Variants in ZNF776 observed in about 807,000 individuals in gnomAD.
ZNF776 encodes the protein zinc finger protein 776.
Under a neutral mutation model 7.0 loss-of-function variants are expected in ZNF776, and 4 were observed. The ratio of observed to expected loss-of-function variants is 0.57; its 90% CI spans 0.28 to 1.31. ZNF776 has a LOEUF of 1.31. Among genes scored for constraint, ZNF776 ranks in the 50% most tolerant of loss-of-function variants. The pLI, the probability that ZNF776 is intolerant of heterozygous loss-of-function variation, is 0.10. For synonymous variants in ZNF776, 212 were observed against 213.7 expected (o/e 0.99, Z 0.07); for missense variants, 555 against 625.9 (o/e 0.89, Z 1.21).
chr19:57,751,877 T>TTTG (rs1555764034), intron 2 of ZNF776, among the ~76,000 whole-genome samples: 30 of 127,356 alleles, frequency 2.4e-4, no homozygotes, highest in African/African-American at 8.1e-4. Flanking sequence ...TGTTTTTTTT[T>TTTG]TTTTTTTTTT....
rs1050580190 is a variant in ZNF776 at position 57,753,313 on chromosome 19, C to T, written c.183C>T (p.Asp61=). ...SSLGCWYGAK[D]ETPSKQTLSI... Reference sequence around the variant, plus strand: ...TAGGTTGTTGGTATGGAGCAAAAGACGAGACACCTTCTAAGCAGACCCTTT... The same window carrying T: ...TAGGTTGTTGGTATGGAGCAAAAGATGAGACACCTTCTAAGCAGACCCTTT... The change falls in exon 3 of 3, where the codon GAC becomes GAT. Residue 61 remains aspartate, a synonymous_variant. Transcript: ENST00000317178. 7 of 1,609,624 alleles carry T rather than the reference C, an allele frequency of 4.3e-6. No homozygotes were observed. Among genetic ancestry groups the T allele is most frequent in the East Asian group, 2.2e-5 (1 of 44,844 alleles).
rs1600071198 is a variant in ZNF776 at position 57,756,751 on chromosome 19, A to C, written c.*2064A>C. On this transcript the variant is annotated 3_prime_UTR_variant, in exon 3 of 3. Transcript: ENST00000317178. ...CATTCTGCTCAGTACTGGTGAGGGA[A>C]ATCTGTTCTCAAGTCCTACAGTGCA... 1 of 350,136 alleles carries C rather than the reference A, an allele frequency of 2.9e-6. No homozygotes were observed. The highest frequency in any genetic ancestry group is 2.2e-5 in the African/African-American group (1 of 46,352). The allele number at this position is 350,136 out of a possible 1,614,324, so 21.7% of individuals were successfully genotyped here.
intron 1 of ZNF776, among the ~76,000 whole-genome samples, chr19:57,750,432 CA>C (rs60314566): frequency 6.8e-4 from 93 of 137,730 alleles, no homozygotes; most frequent in Non-Finnish European, 7.3e-4. Context: ...AACCCTATCT[CA>C]AAAAAAAAAA....
Position 57,757,829 on chromosome 19 carries a change from A to G in ZNF776, c.*3142A>G, listed in dbSNP as rs1195154609. On this transcript the variant is annotated 3_prime_UTR_variant, in exon 3 of 3. Coordinates refer to ENST00000317178, the MANE Select transcript of ZNF776 (RefSeq NM_173632.4). ...TGCTCCAGACAATCACTGAATTACAATATTTGCTTAACAGTAGATTAATGT... is the reference window on the plus strand; with the variant it reads ...TGCTCCAGACAATCACTGAATTACAGTATTTGCTTAACAGTAGATTAATGT... The G allele has an allele frequency of 6.6e-6, 1 of 152,190 alleles. No individual in the cohort carries two copies. Among genetic ancestry groups the G allele is most frequent in the Non-Finnish European group, 1.5e-5 (1 of 68,038 alleles). The allele number at this position is 152,190 out of a possible 1,614,324, so 9.4% of individuals were successfully genotyped here. A position where few individuals can be genotyped will look rare whatever the true frequency, so the allele number is the denominator to read the frequency against.
Position 57,751,660 on chromosome 19 carries a change from C to T in ZNF776, c.160+749C>T, listed in dbSNP as rs140587322. Among the ~76,000 whole-genome samples, 430 of 151,796 alleles carry T rather than the reference C, an allele frequency of 2.8e-3. 1 individual carries two copies. Among genetic ancestry groups the T allele is most frequent in the Non-Finnish European group, 5.0e-3 (342 of 67,924 alleles). ...GGATTACAAGCATGAGCCAGTGTGC[C>T]CTGAGTATTTTTTGCTTTTTTGTTT... On this transcript the variant is annotated intron_variant, in intron 2 of 2. Transcript: ENST00000317178.
At chr19:57,747,593 T>C (rs1986475057) in intron 1 of ZNF776, among the ~76,000 whole-genome samples, 2 of 152,202 alleles carry the variant, frequency 1.3e-5, no homozygotes, top group African/African-American at 2.4e-5. Flanking sequence ...CATTTTGTAC[T>C]GAGGCGCTCA....
chr19:57,749,536 G>T (rs1002271592), intron 1 of ZNF776, among the ~76,000 whole-genome samples: 1 of 152,296 alleles, frequency 6.6e-6, no homozygotes, highest in South Asian at 2.1e-4. Context: ...CCATATTGTG[G>T]TATAAAGCCA....
Position 57,754,504 on chromosome 19 carries a change from G to A in ZNF776, c.1374G>A (p.Arg458=). The part of the protein sequence containing the change: ...IQHQQIHSGE[R]PHECGECGKC... Reference sequence around the variant, plus strand: ...ATCAGCAGATCCACTCTGGAGAAAGGCCACATGAGTGTGGAGAATGTGGGA... The same window carrying A: ...ATCAGCAGATCCACTCTGGAGAAAGACCACATGAGTGTGGAGAATGTGGGA... The change falls in exon 3 of 3, where the codon AGG becomes AGA. Residue 458 remains arginine, a synonymous_variant. Transcript: ENST00000317178. 6.2e-7 allele frequency: 1 copy of A among 1,614,108 alleles called. No individual in the cohort carries two copies. The highest frequency in any genetic ancestry group is 8.5e-7 in the Non-Finnish European group (1 of 1,180,006).
chr19:57,754,925 C>A lies in ZNF776; in HGVS notation c.*238C>A. 1 of 533,354 alleles carries A rather than the reference C, an allele frequency of 1.9e-6. No individual in the cohort carries two copies. The highest frequency in any genetic ancestry group is 3.3e-6 in the Non-Finnish European group (1 of 300,364). 33.0% of individuals were successfully genotyped at this position (533,354 alleles called of 1,614,324 possible). On this transcript the variant is annotated 3_prime_UTR_variant, in exon 3 of 3. Coordinates refer to ENST00000317178, the MANE Select transcript of ZNF776 (RefSeq NM_173632.4). ...AGAAGGGTCACACTGGAGAAAGACCCTATAGTTATGGGGAATTTGGGAAAT... is the reference window on the plus strand; with the variant it reads ...AGAAGGGTCACACTGGAGAAAGACCATATAGTTATGGGGAATTTGGGAAAT...
intron 1 of ZNF776, among the ~76,000 whole-genome samples, 180 bp downstream of exon 1, chr19:57,747,271 CAG>C (rs1012165259): frequency 6.6e-6 from 1 of 152,150 alleles, no homozygotes; most frequent in African/African-American, 2.4e-5. Context: ...GCTACAGGCA[CAG>C]GGAGCGGTGC....
In ZNF776 at chr19:57,753,477, T is replaced by C; in HGVS notation, c.347T>C (p.Phe116Ser). The change falls in exon 3 of 3, where the codon TTT becomes TCT. Residue 116 changes from phenylalanine (F) to serine (S), a missense_variant. Coordinates refer to ENST00000317178, the MANE Select transcript of ZNF776 (RefSeq NM_173632.4). ...GTQHNQKLNG[F>S]GAYEKKLDDD... ...CAACACAATCAGAAATTGAATGGGT[T>C]TGGGGCATATGAAAAAAAATTGGAT... 6.2e-7 allele frequency: 1 copy of C among 1,614,136 alleles called. No homozygotes were observed. Among genetic ancestry groups the C allele is most frequent in the South Asian group, 1.1e-5 (1 of 91,082 alleles).
chr19:57,747,220 T>C (rs1448434069), intron 1 of ZNF776, 129 bp downstream of exon 1: 3 of 1,010,828 alleles, frequency 3.0e-6, no homozygotes, highest in Admixed American at 5.5e-5. Context: ...GCGCTCTCTA[T>C]GGGCCCCCGT....
chr19:57,747,256 G>A (rs1288230964), intron 1 of ZNF776, among the ~76,000 whole-genome samples, 165 bp downstream of exon 1: 1 of 152,196 alleles, frequency 6.6e-6, no homozygotes, highest in Non-Finnish European at 1.5e-5. Context: ...GATGCGCTCA[G>A]GAGAGCTACA....
At chr19:57,752,601 C>G (rs1986640335) in intron 2 of ZNF776, among the ~76,000 whole-genome samples, 1 of 152,158 alleles carries the variant, frequency 6.6e-6, no homozygotes, top group Non-Finnish European at 1.5e-5. Flanking sequence ...TAGAAGCTCT[C>G]TGATTTCACA....
At position 57,754,452 on chromosome 19, in the gene ZNF776, T is replaced by C. The variant is rs1412211672; in HGVS notation, c.1322T>C (p.Phe441Ser). ...PYECRECGKC[F>S]HQKGSLIQHQ... The stretch of plus-strand genomic sequence containing the variant: ...GAGTGTAGAGAATGTGGGAAATGTT[T>C]TCATCAAAAGGGCAGTCTCATTCAA... The change falls in exon 3 of 3, where the codon TTT (phenylalanine) becomes TCT (serine). Residue 441 changes from phenylalanine (F) to serine (S), a missense_variant. Phe to Ser is a radical substitution (Grantham distance 155). Transcript: ENST00000317178. 6.2e-7 allele frequency: 1 copy of C among 1,613,894 alleles called. No individual in the cohort carries two copies. The highest frequency in any genetic ancestry group is 1.1e-5 in the South Asian group (1 of 91,062).
rs1166356871 is a variant in ZNF776 at position 57,746,954 on chromosome 19, A to G, written c.-105A>G. The stretch of plus-strand genomic sequence containing the variant: ...CAGAGGCTGCTCTGCAGCTCCTTAA[A>G]GGCGCTAGGCGTGACCCGCACCAAG... On this transcript the variant is annotated 5_prime_UTR_variant, in exon 1 of 3. Transcript: ENST00000317178. 3.3e-6 allele frequency: 4 copies of G among 1,222,056 alleles called. No homozygotes were observed. The highest frequency in any genetic ancestry group is 2.6e-5 in the East Asian group (1 of 37,786). 75.7% of individuals were successfully genotyped at this position (1,222,056 alleles called of 1,614,324 possible).
chr19:57,751,601 C>T (rs1038084423), intron 2 of ZNF776, among the ~76,000 whole-genome samples: 6 of 151,896 alleles, frequency 4.0e-5, no homozygotes, highest in East Asian at 1.9e-4. Context: ...CCCAACCTCA[C>T]GTGATCCTCC....
intron 1 of ZNF776, among the ~76,000 whole-genome samples, chr19:57,749,808 T>C (rs1405114427): frequency 6.6e-6 from 1 of 152,220 alleles, no homozygotes; most frequent in East Asian, 1.9e-4. Flanking sequence ...TCACACCCTC[T>C]TCATTTTAAA....
Position 57,753,439 on chromosome 19 carries a change from A to C in ZNF776, c.309A>C (p.Leu103Phe). The change falls in exon 3 of 3, where the codon TTA becomes TTC. Residue 103 changes from leucine (L) to phenylalanine (F), a missense_variant. By Grantham distance (22) the Leu-to-Phe change is conservative. Transcript: ENST00000317178. ...GTGGCCCTCTCCTGGGAGATATCTT[A>C]CACCAGGGAACACAACACAATCAGA... ...GMCGPLLGDILHQGTQHNQKL... is the reference protein window; with the variant it reads ...GMCGPLLGDIFHQGTQHNQKL... The C allele has an allele frequency of 6.2e-7, 1 of 1,614,210 alleles. No individual in the cohort carries two copies. Among genetic ancestry groups the C allele is most frequent in the Admixed American group, 1.7e-5 (1 of 60,022 alleles).
Sources: gnomAD v4.1 joint callset for allele counts (sites outside exome capture counted in the v4.1 genomes callset) on GRCh38, gnomAD v4.1.1 for gene constraint, MANE v1.5 for transcripts, NCBI Gene and HGNC (gene_info 2026-07-23, HGNC 2026-07-21) for gene names.